Variants in DNAH9 observed in about 807,000 individuals in gnomAD.
The protein encoded by DNAH9 is DNAH9 variant protein.
A neutral mutation model predicts 471.6 loss-of-function variants in DNAH9; 345 were observed. That is an observed-to-expected ratio of 0.73 (90% CI 0.67 to 0.80). The LOEUF (loss-of-function observed/expected upper bound fraction) is 0.80, where lower values mean the gene tolerates loss of function less well. Ranked by LOEUF, DNAH9 falls within the 30% of genes least tolerant of loss-of-function variation. The pLI is 0.00. For synonymous variants in DNAH9, 2,093 were observed against 2,123.6 expected (o/e 0.99, Z 0.40); for missense variants, 5,407 against 5,609.2 (o/e 0.96, Z 1.15).
intron 55 of DNAH9, among the ~76,000 whole-genome samples, chr17:11,882,141 TCTC>T (rs750040836): frequency 1.6e-4 from 25 of 152,346 alleles, no homozygotes; most frequent in Middle Eastern, 3.4e-3. Flanking sequence ...ACATATTTGT[TCTC>T]CTATAATTCT....
At position 11,937,320 on chromosome 17, in the gene DNAH9, T is replaced by C; in HGVS notation, c.12490-32T>C. The C allele has an allele frequency of 6.3e-7, 1 of 1,579,200 alleles. No individual in the cohort carries two copies. The highest frequency in any genetic ancestry group is 8.6e-7 in the Non-Finnish European group (1 of 1,160,338). On this transcript the variant is annotated intron_variant, in intron 65 of 68. Coordinates refer to ENST00000262442, the MANE Select transcript of DNAH9 (RefSeq NM_001372.4). This position sits in a 1 kb window ranked among gnomAD's most constrained non-coding sequence, Gnocchi z 4.1. ...GGGAGATGGGAGGTACGTCCTGGTT[T>C]CTTTTTAAGTGAGCTTGCCCTTGAT...
At chr17:11,736,625 G>A (rs879383330) in intron 28 of DNAH9, among the ~76,000 whole-genome samples, 3 of 152,288 alleles carry the variant, frequency 2.0e-5, no homozygotes, top group Admixed American at 1.3e-4. Context: ...TCCTGTACAA[G>A]CCAGCCTAAC....
In DNAH9 at chr17:11,689,920, G is replaced by T. The variant is rs144808055; in HGVS notation, c.4098G>T (p.Thr1366=). 10 of 1,609,404 alleles carry T rather than the reference G, an allele frequency of 6.2e-6. No individual in the cohort carries two copies. Among genetic ancestry groups the T allele is most frequent in the Non-Finnish European group, 6.8e-6 (8 of 1,177,754 alleles). Residue 1366 remains threonine (T), a synonymous_variant, in exon 20 of 69, where the codon ACG becomes ACT. Transcript: ENST00000262442. ...GCCTGGAAAGCACTGTGTGGAACAC[G>T]CTGAGCTCCCTGAGGGCAGTAGCTG... ...FTGLESTVWN[T]LSSLRAVAEL...
At chr17:11,780,890 G>C (rs16945331) in intron 38 of DNAH9, 119 bp from the exon 39 acceptor site, 1 of 1,024,910 alleles carries the variant, frequency 9.8e-7, no homozygotes, top group Admixed American at 2.8e-5. Flanking sequence ...TGTCTTTCGC[G>C]TTGCTGTTTT....
At position 11,651,357 on chromosome 17, in the gene DNAH9, C is replaced by T. The variant is rs1291146422; in HGVS notation, c.2353+33C>T. On this transcript the variant is annotated intron_variant, in intron 13 of 68. Coordinates refer to ENST00000262442, the MANE Select transcript of DNAH9 (RefSeq NM_001372.4). ...GGCACCATCTGAAGTCTGACAAAAACATGGAGATTCGAGGATCTAATAAAG... is the reference window on the plus strand; with the variant it reads ...GGCACCATCTGAAGTCTGACAAAAATATGGAGATTCGAGGATCTAATAAAG... The T allele has an allele frequency of 5.7e-6, 9 of 1,587,192 alleles. No individual in the cohort carries two copies. In the South Asian group the frequency reaches 8.0e-5, roughly 14 times the overall value.
intron 67 of DNAH9, among the ~76,000 whole-genome samples, chr17:11,948,208 G>A (rs531943244): frequency 6.7e-4 from 101 of 151,412 alleles, no homozygotes; most frequent in African/African-American, 2.4e-3. Context: ...TTGCTGACTG[G>A]GGATCTAATC....
At chr17:11,847,954 C>T (rs188006103) in intron 49 of DNAH9, among the ~76,000 whole-genome samples, 3 of 151,726 alleles carry the variant, frequency 2.0e-5, no homozygotes, top group Admixed American at 1.3e-4. Flanking sequence ...GTGTAGGGCT[C>T]CTTCTCCAGA....
chr17:11,642,332 A>C (rs1055668148), intron 10 of DNAH9, among the ~76,000 whole-genome samples: 4 of 151,220 alleles, frequency 2.6e-5, no homozygotes, highest in Admixed American at 6.6e-5. Context: ...TGAGGTCAGG[A>C]GTTTGCAACC....
At chr17:11,871,808 C>T (rs1972275574) in intron 52 of DNAH9, 22 bp downstream of exon 52, 1 of 1,610,638 alleles carries the variant, frequency 6.2e-7, no homozygotes, top group Admixed American at 1.7e-5. Flanking sequence ...CTGAATTTCT[C>T]CCGACCACAT....
intron 19 of DNAH9, among the ~76,000 whole-genome samples, chr17:11,688,901 G>A (rs957896735): frequency 3.9e-5 from 6 of 152,016 alleles, no homozygotes; most frequent in African/African-American, 1.4e-4. Context: ...TTCAAGACCA[G>A]CCTGGCCGAC....
At chr17:11,715,170 C>G (rs1474063518) in intron 26 of DNAH9, among the ~76,000 whole-genome samples, 1 of 152,164 alleles carries the variant, frequency 6.6e-6, no homozygotes, top group Non-Finnish European at 1.5e-5. Flanking sequence ...GATATAGCAG[C>G]TTTGATATTT....
chr17:11,792,211 T>G (rs1310433922), intron 41 of DNAH9, among the ~76,000 whole-genome samples: 1 of 151,912 alleles, frequency 6.6e-6, no homozygotes, highest in Non-Finnish European at 1.5e-5. Flanking sequence ...GAGGCGGAGG[T>G]TGCAGTGAGC....
chr17:11,689,485 T>C, intron 19 of DNAH9, 81 bp from the exon 20 acceptor site: 1 of 1,197,844 alleles, frequency 8.3e-7, no homozygotes, highest in East Asian at 2.3e-5. Context: ...TTTAAATATT[T>C]CAGCTGGTTG....
At chr17:11,948,269 G>T (rs771514715) in intron 67 of DNAH9, among the ~76,000 whole-genome samples, 1 of 110,396 alleles carries the variant, frequency 9.1e-6, no homozygotes, top group Non-Finnish European at 1.7e-5. Context: ...TCACTCTGTT[G>T]CCAGGCTGGA....
rs758724578 is a variant in DNAH9 at position 11,598,822 on chromosome 17, C to G, written c.324C>G (p.Pro108=). ...AKALFFLRTG[P]EPPGPDSFRG... The stretch of plus-strand genomic sequence containing the variant: ...CGCTTTTTTTCCTTCGCACCGGGCC[C>G]GAGCCTCCAGGGCCCGACAGCTTCC... Residue 108 remains proline (P), a synonymous_variant, in exon 1 of 69, where the codon CCC becomes CCG. Coordinates refer to ENST00000262442, the MANE Select transcript of DNAH9 (RefSeq NM_001372.4). 3.5e-5 allele frequency: 52 copies of G among 1,495,140 alleles called. No homozygotes were observed. In the East Asian group the frequency reaches 3.9e-4, roughly 11 times the overall value. The allele number at this position is 1,495,140 out of a possible 1,614,324, so 92.6% of individuals were successfully genotyped here. A position where few individuals can be genotyped will look rare whatever the true frequency, so the allele number is the denominator to read the frequency against.
At chr17:11,927,455 G>A (rs1280392412) in intron 62 of DNAH9, among the ~76,000 whole-genome samples, 2 of 152,144 alleles carry the variant, frequency 1.3e-5, no homozygotes, top group African/African-American at 4.8e-5. Flanking sequence ...AAGGAGTCTA[G>A]TTTCATTTGT....
At chr17:11,788,713 T>A (rs1460469328) in intron 41 of DNAH9, among the ~76,000 whole-genome samples, 1 of 152,068 alleles carries the variant, frequency 6.6e-6, no homozygotes, top group Admixed American at 6.5e-5. Flanking sequence ...TTCTTTTCAA[T>A]CCTTAAATTT....
intron 43 of DNAH9, among the ~76,000 whole-genome samples, chr17:11,801,596 C>T (rs982099692): frequency 2.6e-4 from 39 of 152,262 alleles, no homozygotes; most frequent in African/African-American, 8.7e-4. Flanking sequence ...GAGGCTGAGG[C>T]AGGAGAATCG....
chr17:11,793,140 T>C (rs12949349), intron 41 of DNAH9, among the ~76,000 whole-genome samples: 2,863 of 152,302 alleles, frequency 0.019, 91 homozygotes, highest in South Asian at 0.09. Flanking sequence ...TTAATTTGAA[T>C]TATTTAGACA....
Sources: gnomAD v4.1 joint callset for allele counts (sites outside exome capture counted in the v4.1 genomes callset) on GRCh38, gnomAD v4.1.1 for gene constraint, Gnocchi (gnomAD v3.1) non-coding constraint, MANE v1.5 for transcripts, NCBI Gene and HGNC (gene_info 2026-07-23, HGNC 2026-07-21) for gene names.